RHEX: variants seen among roughly 807,000 people sequenced by gnomAD.
RHEX encodes regulator of hemoglobinization and erythroid cell expansion protein.
RHEX carries 18 observed loss-of-function variants against 20.1 expected under a neutral mutation model. The ratio of observed to expected loss-of-function variants is 0.90; its 90% confidence interval spans 0.62 to 1.33. RHEX has a LOEUF of 1.33. Ranked by LOEUF, RHEX falls within the 40% of genes most tolerant of loss-of-function variation. The pLI is 0.00. For missense variants in RHEX, 192 were observed against 214.3 expected (o/e 0.90, Z 0.65); for synonymous variants, 87 against 77.1 (o/e 1.13, Z -0.67).
intron 1 of RHEX, among the ~76,000 whole-genome samples, chr1:206,073,378 T>A (rs1211298874): frequency 1.3e-5 from 2 of 152,230 alleles, no homozygotes; most frequent in Non-Finnish European, 1.5e-5. Flanking sequence ...ATGATGATGA[T>A]AAACACTTGT....
At chr1:206,065,382 A>C in intron 1 of RHEX, among the ~76,000 whole-genome samples, 1 of 152,328 alleles carries the variant, frequency 6.6e-6, no homozygotes, top group South Asian at 2.1e-4. Context: ...TTAAACCCTC[A>C]TAACAAAAGG....
intron 1 of RHEX, among the ~76,000 whole-genome samples, chr1:206,096,317 C>A (rs1663067747): frequency 6.6e-6 from 1 of 152,236 alleles, no homozygotes; most frequent in Non-Finnish European, 1.5e-5. Context: ...AGGGGAGAAT[C>A]ATGTCTGTGA....
At chr1:206,066,531 C>A (rs550970195) in intron 1 of RHEX, among the ~76,000 whole-genome samples, 170 of 152,270 alleles carry the variant, frequency 1.1e-3, no homozygotes, top group Non-Finnish European at 1.8e-3. Context: ...GCAGAAGAAT[C>A]GCTTGAACCT....
chr1:206,080,825 T>C (rs184671289), intron 1 of RHEX, among the ~76,000 whole-genome samples: 4 of 152,206 alleles, frequency 2.6e-5, no homozygotes, highest in African/African-American at 7.2e-5. Context: ...CTTTTTGAAA[T>C]AGGGCATCAC....
intron 1 of RHEX, among the ~76,000 whole-genome samples, chr1:206,054,019 A>G (rs1553282169): frequency 1.3e-5 from 2 of 152,230 alleles, no homozygotes; most frequent in African/African-American, 4.8e-5. Flanking sequence ...TAAAGTTAAC[A>G]GTGTAACATG....
chr1:206,057,879 G>A (rs904560087), intron 1 of RHEX, among the ~76,000 whole-genome samples: 4 of 152,246 alleles, frequency 2.6e-5, no homozygotes, highest in Non-Finnish European at 4.4e-5. Flanking sequence ...GAATCATATG[G>A]TTACAAGCTG....
At chr1:206,081,371 T>C (rs1662732259) in intron 1 of RHEX, among the ~76,000 whole-genome samples, 1 of 152,174 alleles carries the variant, frequency 6.6e-6, no homozygotes, top group Non-Finnish European at 1.5e-5. Context: ...GTGGATGACA[T>C]GTAATACACA....
chr1:206,101,222 A>G (rs782429948), intron 5 of RHEX, 25 bp downstream of exon 5: 1 of 1,580,428 alleles, frequency 6.3e-7, no homozygotes, highest in South Asian at 1.1e-5. Context: ...TAGTGATCTC[A>G]GACGAACATA....
intron 1 of RHEX, among the ~76,000 whole-genome samples, chr1:206,065,862 G>A (rs1033162004): frequency 8.5e-5 from 13 of 152,192 alleles, no homozygotes; most frequent in Admixed American, 2.6e-4. Context: ...CAGAAGGGGC[G>A]CAGAAGGCAG....
chr1:206,085,780 A>G (rs1553286362), intron 1 of RHEX, among the ~76,000 whole-genome samples: 1 of 152,178 alleles, frequency 6.6e-6, no homozygotes, highest in African/African-American at 2.4e-5. Flanking sequence ...AACTGAATTG[A>G]TTTAGCCCAC....
At chr1:206,099,611 G>T in intron 3 of RHEX, 44 bp from the exon 4 acceptor site, 1 of 1,599,264 alleles carries the variant, frequency 6.3e-7, no homozygotes, top group Middle Eastern at 2.1e-4. Context: ...GAGCTACTGC[G>T]CCTGGCCAGT....
intron 1 of RHEX, among the ~76,000 whole-genome samples, chr1:206,086,149 C>G (rs1662836022): frequency 6.6e-6 from 1 of 152,120 alleles, no homozygotes. Flanking sequence ...TGTTTAGGAC[C>G]AGGGACATCG....
intron 1 of RHEX, among the ~76,000 whole-genome samples, chr1:206,065,238 A>G (rs1553284065): frequency 6.6e-6 from 1 of 151,824 alleles, no homozygotes; most frequent in East Asian, 1.9e-4. Context: ...ACACTGCCAA[A>G]TCCCCCTCTG....
intron 1 of RHEX, among the ~76,000 whole-genome samples, chr1:206,075,184 A>C (rs1553285094): frequency 6.6e-6 from 1 of 152,266 alleles, no homozygotes; most frequent in African/African-American, 2.4e-5. Context: ...GTAAGTGTGT[A>C]GCATCTTGCT....
rs148806592 is a variant in RHEX, at chr1:206,084,002, C to A, written c.-96-13731C>A. On this transcript the variant is annotated intron_variant, in intron 1 of 5. Coordinates refer to ENST00000331555, the MANE Select transcript of RHEX (RefSeq NM_001007544.4). ...CTGTAAAATGGGCATAAAACACCCA[C>A]CTTACAGGGTTGCTACATGGATTCA... is the stretch of plus-strand genomic sequence containing the variant. Among the ~76,000 whole-genome samples, 522 of 152,330 alleles carry A rather than the reference C, an allele frequency of 3.4e-3. 3 individuals carry two copies. Among genetic ancestry groups the A allele is most frequent in the Middle Eastern group, 0.014 (4 of 294 alleles).
intron 1 of RHEX, chr1:206,083,734 A>G (rs1476358476): frequency 1.4e-6 from 1 of 720,180 alleles, no homozygotes; most frequent in East Asian, 1.3e-4. Flanking sequence ...GAAGTTTTAG[A>G]GAGGATTCTC....
At chr1:206,068,565 G>C (rs190427064) in intron 1 of RHEX, among the ~76,000 whole-genome samples, 1 of 152,056 alleles carries the variant, frequency 6.6e-6, no homozygotes, top group Non-Finnish European at 1.5e-5. Flanking sequence ...TTAAAGGGAG[G>C]CTGAACTCAG....
rs146419658 is a variant in RHEX, at chr1:206,082,646, ATATT to A, written c.-96-15082_-96-15079del. On this transcript the variant is annotated intron_variant, in intron 1 of 5. Transcript: ENST00000331555. ...CCTTATGAGATTTAAAAAATATCAG[ATATT>A]TATTATTAACCCAATTTTACAGATG... Among the ~76,000 whole-genome samples the A allele has an allele frequency of 2.7e-3, 410 of 152,318 alleles. 4 individuals are homozygous for A. The highest frequency in any genetic ancestry group is 1.8e-3 in the Non-Finnish European group (123 of 68,036).
rs1325190806 is a variant in RHEX, at chr1:206,098,450, C to A, written c.112+269C>A. On this transcript the variant is annotated intron_variant, in intron 3 of 5. Transcript: ENST00000331555. ...ACCCAGACCTTCTGCCTAGACACAG[C>A]TTTTGCAATGCCTACGAGGAAGTGC... is the stretch of plus-strand genomic sequence containing the variant. The A allele has an allele frequency of 1.2e-5, 5 of 417,842 alleles. 1 individual carries two copies. Among genetic ancestry groups the A allele is most frequent in the Admixed American group, 7.3e-5 (2 of 27,278 alleles). The allele number at this position is 417,842 out of a possible 1,614,324, so 25.9% of individuals were successfully genotyped here. A position where few individuals can be genotyped will look rare whatever the true frequency, so the allele number is the denominator to read the frequency against.
Sources: allele counts gnomAD v4.1 joint callset (sites outside exome capture counted in the v4.1 genomes callset), GRCh38; gene constraint gnomAD v4.1.1; transcripts MANE v1.5; gene names NCBI Gene and HGNC (gene_info 2026-07-23, HGNC 2026-07-21).